Variants in FKBP5 observed in about 807,000 individuals in gnomAD.
FKBP5 encodes the protein FKBP prolyl isomerase 5.
In FKBP5, 23 loss-of-function variants were observed where a neutral mutation model predicts 50.5. That is an observed-to-expected ratio of 0.46 (90% CI 0.33 to 0.65). The LOEUF (loss-of-function observed/expected upper bound fraction) is 0.65, where lower values mean the gene tolerates loss of function less well. Among genes scored for constraint, FKBP5 ranks in the 30% least tolerant of loss-of-function variants. FKBP5 has a pLI of 0.02. For missense variants in FKBP5, 411 were observed against 553.1 expected, an observed-to-expected ratio of 0.74 and a Z score of 2.58; for synonymous variants, 176 against 190.6, an observed-to-expected ratio of 0.92 and a Z score of 0.63.
At chr6:35,696,475 G>A (rs9380528) in intron 2 of FKBP5, among the ~76,000 whole-genome samples, 72,204 of 149,580 alleles carry the variant, frequency 0.48, 17,461 homozygotes, top group East Asian at 0.6. Flanking sequence ...TCATGCCACT[G>A]TACTCCAGCC....
chr6:35,719,685 C>G (rs144412344), intron 2 of FKBP5, among the ~76,000 whole-genome samples: 4 of 152,178 alleles, frequency 2.6e-5, no homozygotes, highest in Non-Finnish European at 2.9e-5. Flanking sequence ...CACCTCGACT[C>G]CAGACACCAT....
chr6:35,584,604 T>C (rs979389736), intron 8 of FKBP5: 1 of 985,480 alleles, frequency 1.0e-6, no homozygotes, highest in Admixed American at 6.1e-5. Flanking sequence ...TTTGAAGTTT[T>C]ACAGCTAACG....
chr6:35,667,944 G>A (rs376941664), intron 1 of FKBP5, among the ~76,000 whole-genome samples: 12 of 152,128 alleles, frequency 7.9e-5, no homozygotes, highest in Non-Finnish European at 1.8e-4. Context: ...CAGCCTGGGT[G>A]ACAGAGTGAG....
chr6:35,663,316 A>G (rs1370002724), intron 1 of FKBP5, among the ~76,000 whole-genome samples: 3 of 152,252 alleles, frequency 2.0e-5, no homozygotes, highest in Admixed American at 2.0e-4. Flanking sequence ...GTGGGAAAGA[A>G]GCAGATGATG....
intron 1 of FKBP5, among the ~76,000 whole-genome samples, chr6:35,679,288 C>T (rs765293472): frequency 1.1e-4 from 17 of 152,188 alleles, no homozygotes; most frequent in Non-Finnish European, 2.2e-4. Context: ...ATCCTATCTT[C>T]AGTTAAGGCT....
chr6:35,714,768 C>T (rs1329128614), intron 2 of FKBP5, among the ~76,000 whole-genome samples: 4 of 146,416 alleles, frequency 2.7e-5, no homozygotes, highest in African/African-American at 5.1e-5. Flanking sequence ...AGTGAGCTAT[C>T]GTGCCATTGC....
At chr6:35,711,970 G>A (rs777989338) in intron 2 of FKBP5, among the ~76,000 whole-genome samples, 95 of 150,886 alleles carry the variant, frequency 6.3e-4, no homozygotes, top group Non-Finnish European at 1.2e-3. Flanking sequence ...TTGAACTCCT[G>A]GCTCATGATC....
At chr6:35,601,528 C>T (rs1300046721) in intron 5 of FKBP5, among the ~76,000 whole-genome samples, 1 of 152,224 alleles carries the variant, frequency 6.6e-6, no homozygotes, top group African/African-American at 2.4e-5. Flanking sequence ...ATGAGCCTAG[C>T]TCCTATAGCT....
At chr6:35,696,818 A>G (rs984410715) in intron 2 of FKBP5, among the ~76,000 whole-genome samples, 1 of 152,228 alleles carries the variant, frequency 6.6e-6, no homozygotes, top group African/African-American at 2.4e-5. Flanking sequence ...TCAAAGCAGC[A>G]ATAATCAATG....
chr6:35,578,775 A>AT (rs1762314993), intron 9 of FKBP5, among the ~76,000 whole-genome samples: 1 of 151,780 alleles, frequency 6.6e-6, no homozygotes, highest in Admixed American at 6.6e-5. Flanking sequence ...CTCCAAAAAA[A>AT]AAAAAAAGAG....
chr6:35,726,524 T>C (rs1334145152), intron 1 of FKBP5, among the ~76,000 whole-genome samples: 3 of 134,952 alleles, frequency 2.2e-5, no homozygotes, highest in African/African-American at 8.7e-5. Context: ...ACCCCTCCCA[T>C]CTCCTCCTCC....
At chr6:35,629,822 G>T (rs971261851) in intron 3 of FKBP5, among the ~76,000 whole-genome samples, 3 of 152,096 alleles carry the variant, frequency 2.0e-5, no homozygotes, top group African/African-American at 7.2e-5. Flanking sequence ...CAAAGTACCA[G>T]GAAAAACCAA....
intron 7 of FKBP5, among the ~76,000 whole-genome samples, chr6:35,590,309 AAAAG>A (rs1258354540): frequency 1.3e-5 from 2 of 152,156 alleles, no homozygotes; most frequent in Non-Finnish European, 2.9e-5. Flanking sequence ...TCAAAAAAAA[AAAAG>A]TTGAATGTAC....
chr6:35,726,637 C>T (rs1306845996), intron 1 of FKBP5, among the ~76,000 whole-genome samples: 1 of 151,928 alleles, frequency 6.6e-6, no homozygotes, highest in Non-Finnish European at 1.5e-5. Context: ...TCCCTAGAAC[C>T]ACCTTCTTTC....
chr6:35,728,338 G>A (rs1766766917), intron 1 of FKBP5, among the ~76,000 whole-genome samples: 1 of 152,172 alleles, frequency 6.6e-6, no homozygotes, highest in Admixed American at 6.5e-5. Context: ...CCACGTGGCC[G>A]GTTTGCGCAT....
At chr6:35,580,005 A>G (rs1283517005) in intron 9 of FKBP5, 31 bp downstream of exon 9, 4 of 1,553,276 alleles carry the variant, frequency 2.6e-6, no homozygotes, top group South Asian at 2.3e-5. Flanking sequence ...TGGAGTATCT[A>G]AAGTCCATCT....
At chr6:35,656,897 A>AG (rs1764967577) in intron 1 of FKBP5, among the ~76,000 whole-genome samples, 1 of 120,476 alleles carries the variant, frequency 8.3e-6, no homozygotes, top group South Asian at 2.2e-4. Context: ...CTCCGTCTCA[A>AG]AAAAAAAAAA....
intron 1 of FKBP5, among the ~76,000 whole-genome samples, chr6:35,726,536 CCACA>C (rs10599241): frequency 0.24 from 33,181 of 139,024 alleles, 4,131 homozygotes; most frequent in African/African-American, 0.34. Context: ...TCCTCCTCCT[CCACA>C]CACACACACA....
chr6:35,653,274 T>C (rs962479662), intron 1 of FKBP5, among the ~76,000 whole-genome samples: 1 of 152,180 alleles, frequency 6.6e-6, no homozygotes, highest in African/African-American at 2.4e-5. Context: ...GCAAAAGGAT[T>C]GAGCTCAGGA....
Sources: allele counts gnomAD v4.1 joint callset (sites outside exome capture counted in the v4.1 genomes callset), GRCh38; gene constraint gnomAD v4.1.1; transcripts MANE v1.5; gene names NCBI Gene and HGNC (gene_info 2026-07-23, HGNC 2026-07-21).